The following ROR1 variants were observed in gnomAD, a reference collection of about 807,000 sequenced individuals.
ROR1 encodes the protein ROR family WNT receptor 1, also known as inactive tyrosine-protein kinase transmembrane receptor ROR1.
In ROR1, 19 loss-of-function variants were observed where a neutral mutation model predicts 78.8. The observed-to-expected ratio is 0.24, with a 90% CI of 0.17 to 0.35. The LOEUF (loss-of-function observed/expected upper bound fraction) is 0.35. Among genes scored for constraint, ROR1 ranks in the 10% least tolerant of loss-of-function variants. ROR1 has a pLI of 1.00. For synonymous variants in ROR1, 386 were observed against 433.6 expected, an observed-to-expected ratio of 0.89 and a Z score of 1.36; for missense variants, 917 against 1,177.8, an observed-to-expected ratio of 0.78 and a Z score of 3.24.
chr1:64,031,107 A>ACCCGCCCGCCTCTGC, intron 2 of ROR1, among the ~76,000 whole-genome samples: 1 of 151,658 alleles, frequency 6.6e-6, no homozygotes, highest in Non-Finnish European at 1.5e-5. Context: ...GACTTGAGCA[A>ACCCGCCCGCCTCTGC]CCCGCCCGCC....
intron 1 of ROR1, among the ~76,000 whole-genome samples, chr1:63,855,333 T>C (rs1176201885): frequency 6.6e-6 from 1 of 152,222 alleles, no homozygotes; most frequent in African/African-American, 2.4e-5. Flanking sequence ...TATTACAATT[T>C]GTTTTCCCAT....
At position 64,178,243 on chromosome 1, in the gene ROR1, T is replaced by C. The variant is rs2100747009; in HGVS notation, c.2202T>C (p.Ser734=). 2.5e-6 allele frequency: 4 copies of C among 1,614,090 alleles called. No homozygotes were observed. Among genetic ancestry groups the C allele is most frequent in the South Asian group, 1.1e-5 (1 of 91,064 alleles). ...CAGAGTGCTGGAATGAGATTCCTTCTAGGAGACCAAGATTTAAAGATATTC... is the reference window on the plus strand; with the variant it reads ...CAGAGTGCTGGAATGAGATTCCTTCCAGGAGACCAAGATTTAAAGATATTC... ...LMTECWNEIP[S]RRPRFKDIHV... Residue 734 remains serine (S), a synonymous_variant, in exon 9 of 9, where the codon TCT becomes TCC. Transcript: ENST00000371079. This position sits in a 1 kb window ranked among gnomAD's most constrained non-coding sequence, Gnocchi z 4.3.
At chr1:63,852,084 T>C (rs1645117575) in intron 1 of ROR1, among the ~76,000 whole-genome samples, 2 of 152,252 alleles carry the variant, frequency 1.3e-5, no homozygotes, top group African/African-American at 2.4e-5. Context: ...GTTGAAGTAA[T>C]CATAATGCCT....
intron 2 of ROR1, among the ~76,000 whole-genome samples, chr1:64,025,616 T>C (rs1007340462): frequency 6.6e-6 from 1 of 151,144 alleles, no homozygotes; most frequent in African/African-American, 2.5e-5. Flanking sequence ...CATACACATA[T>C]ACACACATAT....
At chr1:64,018,324 G>A (rs1646538038) in intron 2 of ROR1, among the ~76,000 whole-genome samples, 1 of 152,084 alleles carries the variant, frequency 6.6e-6, no homozygotes. Context: ...TGCTTGTTGT[G>A]CTCTAAAACA....
At chr1:64,102,688 G>A (rs112380244) in intron 4 of ROR1, among the ~76,000 whole-genome samples, 3 of 152,324 alleles carry the variant, frequency 2.0e-5, no homozygotes, top group African/African-American at 7.2e-5. Flanking sequence ...GACAAGTAGG[G>A]TTTGATCGCC....
chr1:64,178,251 C>G lies in ROR1; in HGVS notation c.2210C>G (p.Pro737Arg), dbSNP rs1016444871. 3.7e-6 allele frequency: 6 copies of G among 1,613,952 alleles called. No individual in the cohort carries two copies. In the African/African-American group the frequency reaches 8.0e-5, roughly 22 times the overall value. Residue 737 changes from proline to arginine, a missense_variant, in exon 9 of 9, where the codon CCA becomes CGA. By Grantham distance (103) the Pro-to-Arg change is moderately radical. This residue lies in a region of ROR1 where 835 missense variants were observed against 1,069.8 expected (regional missense o/e 0.78). Coordinates refer to ENST00000371079, the MANE Select transcript of ROR1 (RefSeq NM_005012.4). This position sits in a 1 kb window ranked among gnomAD's most constrained non-coding sequence, Gnocchi z 4.3. ...TGGAATGAGATTCCTTCTAGGAGAC[C>G]AAGATTTAAAGATATTCACGTCCGG... is the stretch of plus-strand genomic sequence containing the variant. ...ECWNEIPSRR[P>R]RFKDIHVRLR... is the part of the protein sequence containing the mutation.
At chr1:64,116,970 A>G (rs1033715931) in intron 4 of ROR1, among the ~76,000 whole-genome samples, 8 of 152,196 alleles carry the variant, frequency 5.3e-5, no homozygotes, top group African/African-American at 1.9e-4. Context: ...CAGAAACGTT[A>G]CATGCTCCTT....
intron 6 of ROR1, among the ~76,000 whole-genome samples, chr1:64,140,958 T>A (rs1411472491): frequency 6.6e-6 from 1 of 152,174 alleles, no homozygotes; most frequent in East Asian, 1.9e-4. Context: ...CATTGTATGA[T>A]CCATTTATAT....
intron 7 of ROR1, among the ~76,000 whole-genome samples, chr1:64,156,357 T>A (rs1346870690): frequency 6.6e-6 from 1 of 152,202 alleles, no homozygotes; most frequent in African/African-American, 2.4e-5. Flanking sequence ...GTAGACACAA[T>A]CATTACTGGT....
chr1:64,083,790 T>A (rs2100635014), intron 4 of ROR1, among the ~76,000 whole-genome samples: 1 of 152,240 alleles, frequency 6.6e-6, no homozygotes, highest in South Asian at 2.1e-4. Context: ...TTAGAATGTG[T>A]TCCTGGTACA....
chr1:63,990,155 G>C lies in ROR1; in HGVS notation c.92-19150G>C, dbSNP rs1557597853. On this transcript the variant is annotated intron_variant, in intron 1 of 8. Coordinates refer to ENST00000371079, the MANE Select transcript of ROR1 (RefSeq NM_005012.4). ...AAATTCAGTTTCGCTCTGAGACATG[G>C]AGCTGTGTCTTCTGACACAATCACA... 2.6e-5 allele frequency among the ~76,000 whole-genome samples: 4 copies of C among 152,274 alleles called. No homozygotes were observed. The South Asian group carries it at 8.3e-4, about 32-fold the overall frequency.
At chr1:63,883,002 A>G (rs1402500274) in intron 1 of ROR1, among the ~76,000 whole-genome samples, 1 of 152,010 alleles carries the variant, frequency 6.6e-6, no homozygotes, top group Non-Finnish European at 1.5e-5. Context: ...GTGATGAAAA[A>G]TGGGTAGACA....
intron 7 of ROR1, among the ~76,000 whole-genome samples, chr1:64,150,714 A>AT (rs1447486263): frequency 6.6e-6 from 1 of 152,198 alleles, no homozygotes; most frequent in Non-Finnish European, 1.5e-5. Context: ...TACTGCAGAG[A>AT]TTTTCAAGAT....
intron 1 of ROR1, among the ~76,000 whole-genome samples, chr1:63,904,806 A>T (rs1645516051): frequency 6.6e-6 from 1 of 152,144 alleles, no homozygotes; most frequent in Non-Finnish European, 1.5e-5. Flanking sequence ...CCAAGGAGGG[A>T]AGCTTCAGAG....
intron 1 of ROR1, among the ~76,000 whole-genome samples, chr1:63,916,246 A>G (rs705529): frequency 0.85 from 129,950 of 152,180 alleles, 55,968 homozygotes; most frequent in East Asian, 0.99. Context: ...TCTGGCTACC[A>G]TTGTTGAAGG....
intron 4 of ROR1, among the ~76,000 whole-genome samples, chr1:64,069,538 G>GTA (rs1225330735): frequency 6.6e-6 from 1 of 152,090 alleles, no homozygotes; most frequent in Admixed American, 6.6e-5. Context: ...GTGTGTGTGT[G>GTA]TACACGTGTT....
Position 63,975,268 on chromosome 1 carries a change from G to A in ROR1, c.92-34037G>A, listed in dbSNP as rs191369537. 2.0e-3 allele frequency among the ~76,000 whole-genome samples: 309 copies of A among 152,252 alleles called. 1 individual carries two copies. Among genetic ancestry groups the A allele is most frequent in the African/African-American group, 7.1e-3 (297 of 41,552 alleles). On this transcript the variant is annotated intron_variant, in intron 1 of 8. Transcript: ENST00000371079. ...TTCAAGCTCAAAATATCTCCCAAACGAATAAAAGTTGATTATGTTTTTATA... is the reference window on the plus strand; with the variant it reads ...TTCAAGCTCAAAATATCTCCCAAACAAATAAAAGTTGATTATGTTTTTATA...
intron 4 of ROR1, among the ~76,000 whole-genome samples, chr1:64,081,143 G>C (rs1000397243): frequency 2.6e-5 from 4 of 152,110 alleles, no homozygotes; most frequent in African/African-American, 9.7e-5. Context: ...TGCTCCAACA[G>C]AAATAGCCCA....
Sources: gnomAD v4.1 joint callset for allele counts (sites outside exome capture counted in the v4.1 genomes callset) on GRCh38, gnomAD v4.1.1 for gene constraint, gnomAD v4.1.1 regional missense constraint, Gnocchi (gnomAD v3.1) non-coding constraint, MANE v1.5 for transcripts, NCBI Gene and HGNC (gene_info 2026-07-23, HGNC 2026-07-21) for gene names.